Variants in MAP1S observed in about 807,000 individuals in gnomAD.
The protein encoded by MAP1S is microtubule associated protein 1S, also known as microtubule-associated protein 1S.
A neutral mutation model predicts 60.9 loss-of-function variants in MAP1S; 27 were observed. The ratio of observed to expected loss-of-function variants is 0.44; its 90% CI spans 0.33 to 0.61. MAP1S has a LOEUF of 0.61. Among genes scored for constraint, MAP1S ranks in the 20% least tolerant of loss-of-function variants. The pLI is 0.03. For synonymous variants in MAP1S, 826 were observed against 694.2 expected (o/e 1.19, Z -2.98); for missense variants, 1,608 against 1,486.6 (o/e 1.08, Z -1.34).
chr19:17,726,546 A>G lies in MAP1S; in HGVS notation c.1162A>G (p.Met388Val), dbSNP rs1414715661. 10 of 1,573,482 alleles carry G rather than the reference A, an allele frequency of 6.4e-6. No individual in the cohort carries two copies. The highest frequency in any genetic ancestry group is 8.6e-6 in the Non-Finnish European group (10 of 1,164,398). ...CAAACCCACCGTGCTCTTCGAGAAG[A>G]TGGGCGTGGGCCGGCTGGACATGTA... ...PAKPTVLFEK[M>V]GVGRLDMYVL... The change falls in exon 5 of 7, where the codon ATG (methionine) becomes GTG (valine). Residue 388 changes from methionine (M) to valine (V), a missense_variant. This residue lies in a region of MAP1S where 1,167 missense variants were observed against 961.4 expected (regional missense o/e 1.21). Coordinates refer to ENST00000324096, the MANE Select transcript of MAP1S (RefSeq NM_018174.6).
At chr19:17,719,999 C>T (rs2080356215) in intron 1 of MAP1S, 3 of 522,448 alleles carry the variant, frequency 5.7e-6, no homozygotes, top group Admixed American at 6.1e-5. Flanking sequence ...ATCTCCAGGT[C>T]TTAGCAGCTT....
intron 5 of MAP1S, among the ~76,000 whole-genome samples, chr19:17,731,666 C>G (rs1348349517): frequency 6.6e-6 from 1 of 152,088 alleles, no homozygotes; most frequent in Non-Finnish European, 1.5e-5. Context: ...TTGCTGAATT[C>G]GTTTATTATT....
intron 1 of MAP1S, 91 bp downstream of exon 1, chr19:17,719,711 G>A (rs2080353479): frequency 8.1e-6 from 4 of 495,616 alleles, no homozygotes; most frequent in African/African-American, 6.3e-5. Flanking sequence ...CGGCGGCGGC[G>A]GCGGCGGCGG....
intron 2 of MAP1S, chr19:17,721,374 G>A (rs1481132562): frequency 1.3e-5 from 5 of 372,186 alleles, no homozygotes; most frequent in African/African-American, 2.1e-5. Flanking sequence ...AGACCCAGCA[G>A]TGGACAGAAC....
chr19:17,727,276 G>T lies in MAP1S; in HGVS notation c.1892G>T (p.Ser631Ile), dbSNP rs1340449832. ...EKALELPLAASSIPRPRTPSP... is the reference protein window; with the variant it reads ...EKALELPLAAISIPRPRTPSP... ...GCACTGGAGCTGCCTTTGGCCGCCA[G>T]CTCAATCCCAAGGCCACGCACACCC... The change falls in exon 5 of 7, where the codon AGC becomes ATC. Residue 631 changes from serine to isoleucine, a missense_variant. Coordinates refer to ENST00000324096, the MANE Select transcript of MAP1S (RefSeq NM_018174.6). This position sits in a 1 kb window ranked among gnomAD's most constrained non-coding sequence, Gnocchi z 4.1. 1.3e-6 allele frequency: 2 copies of T among 1,583,692 alleles called. No homozygotes were observed. The highest frequency in any genetic ancestry group is 1.3e-5 in the African/African-American group (1 of 74,308).
At chr19:17,722,751 AAAAG>A (rs1407917799) in intron 2 of MAP1S, among the ~76,000 whole-genome samples, 1 of 136,936 alleles carries the variant, frequency 7.3e-6, no homozygotes, top group East Asian at 2.1e-4. Flanking sequence ...TCCATCTCAA[AAAAG>A]AGAGAGAGAG....
At chr19:17,723,458 G>A (rs2080388817) in intron 2 of MAP1S, among the ~76,000 whole-genome samples, 2 of 152,148 alleles carry the variant, frequency 1.3e-5, no homozygotes, top group African/African-American at 4.8e-5. Context: ...TGAGGCAGGA[G>A]AATTGCTTGA....
intron 5 of MAP1S, among the ~76,000 whole-genome samples, chr19:17,728,443 C>CTTA (rs896380664): frequency 6.6e-6 from 1 of 152,126 alleles, no homozygotes; most frequent in African/African-American, 2.4e-5. Context: ...GAGATAGGGT[C>CTTA]TTACTATGTT....
chr19:17,727,661 C>T lies in MAP1S; in HGVS notation c.2277C>T (p.Ser759=), dbSNP rs1017952964. The change falls in exon 5 of 7, where the codon TCC becomes TCT. Residue 759 remains serine, a synonymous_variant. Transcript: ENST00000324096. The surrounding 1 kb of genome is among the most constrained non-coding windows in gnomAD (Gnocchi z 4.1). ...TGCCAATGGCACCGGCACCTGCGTC[C>T]CCCGGCAGCTCGAATGACAGCAGTG... The part of the protein sequence containing the change: ...KAVPMAPAPA[S]PGSSNDSSAR... 7 of 1,609,128 alleles carry T rather than the reference C, an allele frequency of 4.4e-6. No homozygotes were observed. The highest frequency in any genetic ancestry group is 5.9e-6 in the Non-Finnish European group (7 of 1,179,678).
chr19:17,733,588 C>T (rs2080512676), intron 6 of MAP1S, among the ~76,000 whole-genome samples, 160 bp downstream of exon 6: 1 of 152,200 alleles, frequency 6.6e-6, no homozygotes, highest in African/African-American at 2.4e-5. Flanking sequence ...TCTCTTCGGA[C>T]TCTGATTCTG....
intron 5 of MAP1S, among the ~76,000 whole-genome samples, chr19:17,728,418 T>G (rs1024632486): frequency 6.6e-6 from 1 of 152,110 alleles, no homozygotes; most frequent in African/African-American, 2.4e-5. Flanking sequence ...CTGCCTAATT[T>G]TAAAGTTTTT....
Position 17,733,314 on chromosome 19 carries a change from C to T in MAP1S, c.2910C>T (p.Arg970=), listed in dbSNP as rs552441990. ...AHLVDEEFFQ[R]VRALCYVISG... is the part of the protein sequence containing the mutation. ...TGGTGGATGAGGAGTTCTTCCAGCG[C>T]GTGCGCGCGCTCTGCTACGTCATCA... Residue 970 remains arginine (R), a synonymous_variant, in exon 6 of 7, where the codon CGC becomes CGT. Transcript: ENST00000324096. 33 of 1,602,088 alleles carry T rather than the reference C, an allele frequency of 2.1e-5. No individual in the cohort carries two copies. In the East Asian group the frequency reaches 5.4e-4, roughly 26 times the overall value.
chr19:17,730,703 A>G (rs956195845), intron 5 of MAP1S, among the ~76,000 whole-genome samples: 5 of 152,184 alleles, frequency 3.3e-5, no homozygotes, highest in Admixed American at 6.5e-5. Flanking sequence ...CCTTTAGCAG[A>G]TAAATGGCTT....
Position 17,728,051 on chromosome 19 carries a change from T to C in MAP1S, c.2667T>C (p.Leu889=). 6.2e-7 allele frequency: 1 copy of C among 1,612,478 alleles called. No individual in the cohort carries two copies. Among genetic ancestry groups the C allele is most frequent in the South Asian group, 1.1e-5 (1 of 91,012 alleles). Residue 889 remains leucine, a synonymous_variant, in exon 5 of 7, where the codon CTT becomes CTC. Transcript: ENST00000324096. ...TPVAAAKTKG[L]AGGDRASRPL... is the part of the protein sequence containing the mutation. Reference sequence around the variant, plus strand: ...TGGCTGCTGCCAAAACCAAGGGGCTTGCTGGTGGGGACCGTGCCAGCCGAC... The same window carrying C: ...TGGCTGCTGCCAAAACCAAGGGGCTCGCTGGTGGGGACCGTGCCAGCCGAC...
At chr19:17,730,863 T>A (rs1339885849) in intron 5 of MAP1S, among the ~76,000 whole-genome samples, 4 of 151,990 alleles carry the variant, frequency 2.6e-5, no homozygotes, top group Admixed American at 2.0e-4. Flanking sequence ...AATAAATGAT[T>A]GCCACATCGA....
In MAP1S at chr19:17,726,941, C is replaced by T. The variant is rs776294316; in HGVS notation, c.1557C>T (p.Ala519=). 2 of 1,572,052 alleles carry T rather than the reference C, an allele frequency of 1.3e-6. No individual in the cohort carries two copies. The highest frequency in any genetic ancestry group is 2.3e-5 in the South Asian group (2 of 85,860). ...AEAPRKTEKE[A]KTPRELKKDP... ...CCCCACGCAAGACTGAGAAAGAAGCCAAGACCCCCCGGGAGTTGAAGAAAG... is the reference window on the plus strand; with the variant it reads ...CCCCACGCAAGACTGAGAAAGAAGCTAAGACCCCCCGGGAGTTGAAGAAAG... The change falls in exon 5 of 7, where the codon GCC becomes GCT. Residue 519 remains alanine (A), a synonymous_variant. Coordinates refer to ENST00000324096, the MANE Select transcript of MAP1S (RefSeq NM_018174.6).
intron 2 of MAP1S, among the ~76,000 whole-genome samples, chr19:17,723,133 C>G (rs1198407156): frequency 6.6e-6 from 1 of 152,148 alleles, no homozygotes; most frequent in East Asian, 1.9e-4. Context: ...TACTTCAGCC[C>G]CGGCCCTTAT....
At chr19:17,724,102 C>T (rs375938012) in intron 2 of MAP1S, 24 bp from the exon 3 acceptor site, 22 of 1,601,850 alleles carry the variant, frequency 1.4e-5, no homozygotes, top group East Asian at 8.9e-5. Flanking sequence ...GATTTGACTC[C>T]GGGACGGCCT....
chr19:17,724,277 C>G (rs1421223826), intron 3 of MAP1S, 69 bp downstream of exon 3: 1 of 1,287,656 alleles, frequency 7.8e-7, no homozygotes, highest in Non-Finnish European at 1.1e-6. Flanking sequence ...CTTCCTGTCT[C>G]GTGTCCTTGT....
Sources: gnomAD v4.1 joint callset for allele counts (sites outside exome capture counted in the v4.1 genomes callset) on GRCh38, gnomAD v4.1.1 for gene constraint, gnomAD v4.1.1 regional missense constraint, Gnocchi (gnomAD v3.1) non-coding constraint, MANE v1.5 for transcripts, NCBI Gene and HGNC (gene_info 2026-07-23, HGNC 2026-07-21) for gene names.